FAF1: variants seen among roughly 807,000 people sequenced by gnomAD.
FAF1 encodes Fas associated factor 1, also known as FAS-associated factor 1.
FAF1 carries 25 observed loss-of-function variants against 92.5 expected under a neutral mutation model. The ratio of observed to expected loss-of-function variants is 0.27; its 90% confidence interval spans 0.20 to 0.38. The LOEUF is 0.38. FAF1 is among the 10% of genes least tolerant of loss of function. The pLI, the probability that FAF1 is intolerant of heterozygous loss-of-function variation, is 1.00. For synonymous variants in FAF1, 234 were observed against 273.2 expected (o/e 0.86, Z 1.42); for missense variants, 636 against 793.3 (o/e 0.80, Z 2.38).
rs145925459 is a variant in FAF1 at position 50,658,741 on chromosome 1, C to T, written c.658-3213G>A. On this transcript the variant is annotated intron_variant, in intron 7 of 18. Coordinates refer to ENST00000396153, the MANE Select transcript of FAF1 (RefSeq NM_007051.3). ...CAGACAGAACTTGGCTGAGAGAGTC[C>T]CATGTAAAGCATATTAGGCTAATGT... is the stretch of plus-strand genomic sequence containing the variant. 2.6e-5 allele frequency among the ~76,000 whole-genome samples: 4 copies of T among 152,236 alleles called. No individual in the cohort carries two copies. The East Asian group carries it at 7.7e-4, about 29-fold the overall frequency.
intron 5 of FAF1, among the ~76,000 whole-genome samples, chr1:50,740,754 G>A (rs1659350272): frequency 1.3e-5 from 2 of 151,986 alleles, no homozygotes; most frequent in Non-Finnish European, 2.9e-5. Context: ...CAGGAGACAT[G>A]GACATCCTGA....
intron 14 of FAF1, 44 bp downstream of exon 14, chr1:50,539,548 C>A: frequency 1.4e-6 from 2 of 1,459,074 alleles, no homozygotes; most frequent in Admixed American, 2.0e-5. Flanking sequence ...ATAAAGTTAT[C>A]ACATACCAGG....
rs568083481 is a variant in FAF1, at chr1:50,863,798, C to T, written c.46-5801G>A. Among the ~76,000 whole-genome samples, 4 of 152,008 alleles carry T rather than the reference C, an allele frequency of 2.6e-5. No homozygotes were observed. In the East Asian group the frequency reaches 7.8e-4, roughly 29 times the overall value. ...GAATGGTACCAGTTCCTCCTTGTAC[C>T]TCTGGTAGAATTCGGCTGTGAATCC... On this transcript the variant is annotated intron_variant, in intron 1 of 18. Transcript: ENST00000396153.
chr1:50,558,392 G>A (rs942285799), intron 13 of FAF1, among the ~76,000 whole-genome samples: 4 of 152,032 alleles, frequency 2.6e-5, no homozygotes, highest in East Asian at 1.9e-4. Flanking sequence ...TGGTGGGGTC[G>A]GGGGACGGGT....
intron 1 of FAF1, among the ~76,000 whole-genome samples, chr1:50,925,095 G>C (rs1373928177): frequency 1.3e-5 from 2 of 152,164 alleles, no homozygotes; most frequent in African/African-American, 4.8e-5. Flanking sequence ...CAGCAAAAGT[G>C]CTAAGAATAC....
Position 50,934,428 on chromosome 1 carries a change from A to G in FAF1, c.45+25339T>C, listed in dbSNP as rs115021760. ...AACAGATCTTCTCATATTTGATCAT[A>G]TAACACTGTCTTGGCCAGGTATGGT... On this transcript the variant is annotated intron_variant, in intron 1 of 18. Transcript: ENST00000396153. 9.9e-3 allele frequency among the ~76,000 whole-genome samples: 1,510 copies of G among 152,314 alleles called. 23 individuals are homozygous for G. The highest frequency in any genetic ancestry group is 0.034 in the African/African-American group (1,433 of 41,560).
chr1:50,653,214 T>A (rs1018774195), intron 8 of FAF1, among the ~76,000 whole-genome samples: 2 of 151,952 alleles, frequency 1.3e-5, no homozygotes, highest in Non-Finnish European at 2.9e-5. Flanking sequence ...CACATCCCTA[T>A]CCTTAGCCAT....
intron 1 of FAF1, among the ~76,000 whole-genome samples, chr1:50,899,191 A>G (rs1186954230): frequency 6.6e-6 from 1 of 152,156 alleles, no homozygotes; most frequent in African/African-American, 2.4e-5. Context: ...CTAAGACATT[A>G]TGCTGTTCAT....
intron 15 of FAF1, among the ~76,000 whole-genome samples, chr1:50,507,021 T>C (rs1347734615): frequency 6.6e-6 from 1 of 152,112 alleles, no homozygotes; most frequent in Non-Finnish European, 1.5e-5. Flanking sequence ...AATGGGAAAA[T>C]AGCTCTACCG....
At chr1:50,861,801 T>TA (rs1199288744) in intron 1 of FAF1, among the ~76,000 whole-genome samples, 6 of 149,828 alleles carry the variant, frequency 4.0e-5, no homozygotes, top group South Asian at 2.1e-4. Flanking sequence ...ACTAAATAAT[T>TA]AAAAAAAAAA....
intron 2 of FAF1, among the ~76,000 whole-genome samples, chr1:50,843,702 T>C (rs1644275239): frequency 2.6e-5 from 4 of 152,076 alleles, no homozygotes; most frequent in South Asian, 2.1e-4. Flanking sequence ...CTGTAAATAA[T>C]AGGATTTCAT....
At chr1:50,857,070 T>C (rs1443835218) in intron 2 of FAF1, among the ~76,000 whole-genome samples, 1 of 151,818 alleles carries the variant, frequency 6.6e-6, no homozygotes, top group Non-Finnish European at 1.5e-5. Context: ...TCTTTGTAAA[T>C]TTTTCATCTC....
chr1:50,959,193 T>C lies in FAF1; in HGVS notation c.45+574A>G, dbSNP rs375913672. 1.8e-4 allele frequency among the ~76,000 whole-genome samples: 28 copies of C among 152,334 alleles called. No homozygotes were observed. The South Asian group carries it at 4.6e-3, about 25-fold the overall frequency. On this transcript the variant is annotated intron_variant, in intron 1 of 18. Coordinates refer to ENST00000396153, the MANE Select transcript of FAF1 (RefSeq NM_007051.3). ...CATTGCAGAGATACTCTGGAATATATAGTCTTATCTGTCTCCTTGTTATCT... is the reference window on the plus strand; with the variant it reads ...CATTGCAGAGATACTCTGGAATATACAGTCTTATCTGTCTCCTTGTTATCT...
At chr1:50,552,606 A>G (rs927464008) in intron 13 of FAF1, among the ~76,000 whole-genome samples, 3 of 152,234 alleles carry the variant, frequency 2.0e-5, no homozygotes, top group Admixed American at 6.5e-5. Flanking sequence ...GGAAAGTTCT[A>G]TGAAAGTGCT....
chr1:50,687,756 A>G (rs1043745048), intron 7 of FAF1, among the ~76,000 whole-genome samples: 5 of 151,926 alleles, frequency 3.3e-5, no homozygotes, highest in African/African-American at 1.2e-4. Context: ...AAAAAAAAAA[A>G]GGAAATGATG....
intron 1 of FAF1, among the ~76,000 whole-genome samples, chr1:50,884,023 G>A (rs1249063702): frequency 6.6e-6 from 1 of 152,116 alleles, no homozygotes; most frequent in Non-Finnish European, 1.5e-5. Flanking sequence ...TACTCGGGAG[G>A]CTGAGGCAGG....
chr1:50,479,576 T>G (rs559856823), intron 17 of FAF1, among the ~76,000 whole-genome samples: 1 of 152,340 alleles, frequency 6.6e-6, no homozygotes, highest in Non-Finnish European at 1.5e-5. Context: ...AATGTGATAT[T>G]TCTTGGTTTT....
chr1:50,467,490 T>C (rs763560919), intron 18 of FAF1, among the ~76,000 whole-genome samples: 2 of 152,102 alleles, frequency 1.3e-5, no homozygotes, highest in Non-Finnish European at 2.9e-5. Context: ...ATTTTTTGTA[T>C]TTTTAGTAGA....
chr1:50,758,302 C>T (rs1292270675), intron 4 of FAF1, among the ~76,000 whole-genome samples: 3 of 152,206 alleles, frequency 2.0e-5, no homozygotes, highest in Admixed American at 6.5e-5. Context: ...GATCCACCTG[C>T]CTCGGCCTCC....
Sources: allele counts gnomAD v4.1 joint callset (sites outside exome capture counted in the v4.1 genomes callset), GRCh38; gene constraint gnomAD v4.1.1; transcripts MANE v1.5; gene names NCBI Gene and HGNC (gene_info 2026-07-23, HGNC 2026-07-21).